SYT14: variants seen among roughly 807,000 people sequenced by gnomAD.
SYT14 encodes the protein synaptotagmin 14.
A neutral mutation model predicts 74.2 loss-of-function variants in SYT14; 32 were observed. The observed-to-expected ratio is 0.43, with a 90% CI of 0.33 to 0.58. The LOEUF (loss-of-function observed/expected upper bound fraction) is 0.58, where lower values mean the gene tolerates loss of function less well. Among genes scored for constraint, SYT14 ranks in the 20% least tolerant of loss-of-function variants. SYT14 has a pLI of 0.05. For missense variants in SYT14, 791 were observed against 981.8 expected (o/e 0.81, Z 2.60); for synonymous variants, 298 against 337.7 (o/e 0.88, Z 1.29).
At chr1:209,939,102 C>G (rs1221412526) in intron 1 of SYT14, among the ~76,000 whole-genome samples, 1 of 152,158 alleles carries the variant, frequency 6.6e-6, no homozygotes, top group Non-Finnish European at 1.5e-5. Context: ...AAACATGTAA[C>G]TGGGACCAAG....
chr1:210,163,938 G>T, exon 10 of SYT14: 1 of 452,984 alleles, frequency 2.2e-6, no homozygotes, highest in Non-Finnish European at 4.4e-6. Context: ...CTTTCATACA[G>T]TTCTATTAAA....
chr1:209,997,792 C>G (rs1215975339), intron 2 of SYT14, among the ~76,000 whole-genome samples: 5 of 151,848 alleles, frequency 3.3e-5, no homozygotes, highest in Non-Finnish European at 7.4e-5. Flanking sequence ...TATGTACCCC[C>G]CTGTATCTAA....
At chr1:210,163,650 A>C (rs1204036065) in exon 10 of SYT14, 1 of 453,692 alleles carries the variant, frequency 2.2e-6, no homozygotes, top group Admixed American at 2.4e-5. Flanking sequence ...GTTCTCCTTC[A>C]CACACAGCAA....
chr1:209,992,471 GATAA>G (rs1558116216), intron 2 of SYT14, among the ~76,000 whole-genome samples: 1 of 152,148 alleles, frequency 6.6e-6, no homozygotes, highest in Non-Finnish European at 1.5e-5. Context: ...GTAAGTGGGA[GATAA>G]ATAATGTGTA....
At chr1:210,152,215 T>G (rs769041629) in intron 7 of SYT14, among the ~76,000 whole-genome samples, 18 of 152,198 alleles carry the variant, frequency 1.2e-4, no homozygotes, top group Non-Finnish European at 2.4e-4. Context: ...TGTATTCCTT[T>G]TGGCTTCCAC....
chr1:210,055,662 A>AT (rs2081082348), intron 5 of SYT14, among the ~76,000 whole-genome samples: 1 of 151,986 alleles, frequency 6.6e-6, no homozygotes, highest in Non-Finnish European at 1.5e-5. Flanking sequence ...ACAAAAAAAA[A>AT]AATACAAAGA....
exon 4 of SYT14, chr1:210,016,738 C>G (rs1052435010): frequency 8.1e-7 from 1 of 1,231,652 alleles, no homozygotes; most frequent in Admixed American, 4.2e-5. Context: ...TGGGGCATTT[C>G]AATAAATGTA....
chr1:210,007,861 A>C (rs2080016835), intron 2 of SYT14, among the ~76,000 whole-genome samples: 2 of 152,274 alleles, frequency 1.3e-5, no homozygotes, highest in South Asian at 4.1e-4. Context: ...TATTAATCTA[A>C]AGACTAAGAT....
chr1:210,082,510 G>C (rs2081635342), intron 5 of SYT14, among the ~76,000 whole-genome samples: 1 of 152,196 alleles, frequency 6.6e-6, no homozygotes, highest in Non-Finnish European at 1.5e-5. Flanking sequence ...AGCTAGTCAT[G>C]ATGTATTCCC....
At chr1:210,115,271 A>G (rs1370709353) in intron 7 of SYT14, among the ~76,000 whole-genome samples, 2 of 150,930 alleles carry the variant, frequency 1.3e-5, no homozygotes, top group African/African-American at 5.0e-5. Context: ...AAGGGAGAAG[A>G]AGGAGGAATG....
exon 4 of SYT14, chr1:210,016,945 T>C (rs1271106398): frequency 1.3e-5 from 16 of 1,231,646 alleles, no homozygotes; most frequent in Admixed American, 1.3e-4. Flanking sequence ...ATTCTAAAGA[T>C]AAGTTATCTG....
chr1:210,067,181 A>C (rs1360346508), intron 5 of SYT14, among the ~76,000 whole-genome samples: 4 of 151,894 alleles, frequency 2.6e-5, no homozygotes, highest in Non-Finnish European at 5.9e-5. Context: ...CCAGTACCAC[A>C]CTCTCTTGAT....
At chr1:210,124,256 T>A (rs75619579) in intron 7 of SYT14, among the ~76,000 whole-genome samples, 16,040 of 146,436 alleles carry the variant, frequency 0.11, 2,777 homozygotes, top group African/African-American at 0.37. Context: ...AAAAAAAAAA[T>A]AAATAAATAA....
intron 5 of SYT14, among the ~76,000 whole-genome samples, chr1:210,046,739 C>T (rs972824105): frequency 4.1e-4 from 62 of 152,280 alleles, no homozygotes; most frequent in Admixed American, 3.5e-3. Context: ...AAATATACCA[C>T]ATATTGTCTA....
intron 5 of SYT14, among the ~76,000 whole-genome samples, chr1:210,030,301 C>T (rs145435813): frequency 6.6e-6 from 1 of 151,914 alleles, no homozygotes; most frequent in African/African-American, 2.4e-5. Flanking sequence ...GCCACCATGC[C>T]CATGCCCATG....
chr1:210,078,459 A>G (rs1242438060), intron 5 of SYT14, among the ~76,000 whole-genome samples: 1 of 152,190 alleles, frequency 6.6e-6, no homozygotes, highest in African/African-American at 2.4e-5. Context: ...GTGATGTGCC[A>G]TGACAAATAT....
chr1:210,127,824 G>C (rs574532910), intron 7 of SYT14, among the ~76,000 whole-genome samples: 7 of 151,954 alleles, frequency 4.6e-5, no homozygotes, highest in Admixed American at 2.6e-4. Flanking sequence ...TCAGTAGTTC[G>C]TGACCAGCCT....
intron 2 of SYT14, among the ~76,000 whole-genome samples, chr1:209,982,571 C>T (rs1410370884): frequency 2.1e-5 from 1 of 47,438 alleles, no homozygotes. Context: ...CTGGATGTTG[C>T]ACAGTTTTAT....
At chr1:210,164,767 A>G (rs1320722656) in exon 10 of SYT14, 1 of 152,108 alleles carries the variant, frequency 6.6e-6, no homozygotes, top group Admixed American at 6.5e-5. Context: ...GTTATTATAT[A>G]TATAGTTATT....
Sources: gnomAD v4.1 joint callset for allele counts (sites outside exome capture counted in the v4.1 genomes callset) on GRCh38, gnomAD v4.1.1 for gene constraint, MANE v1.5 for transcripts, NCBI Gene and HGNC (gene_info 2026-07-23, HGNC 2026-07-21) for gene names.